The following SCN11A variants were observed in gnomAD, a reference collection of about 807,000 sequenced individuals.
SCN11A encodes sodium channel protein type 11 subunit alpha.
In SCN11A, 122 loss-of-function variants were observed where a neutral mutation model predicts 162.2. The observed-to-expected ratio is 0.75, with a 90% CI of 0.65 to 0.87. The LOEUF is 0.87. Among genes scored for constraint, SCN11A ranks in the 40% least tolerant of loss-of-function variants. The pLI is 0.00. For synonymous variants in SCN11A, 758 were observed against 751.5 expected (o/e 1.01, Z -0.14); for missense variants, 2,015 against 2,181.6 (o/e 0.92, Z 1.52).
intron 2 of SCN11A, among the ~76,000 whole-genome samples, chr3:39,022,349 C>A (rs1188156878): frequency 6.6e-6 from 1 of 152,196 alleles, no homozygotes; most frequent in South Asian, 2.1e-4. Context: ...GCTCCCTTTG[C>A]CCCTCCCTTG....
chr3:38,896,014 C>T (rs1385887951), intron 18 of SCN11A, among the ~76,000 whole-genome samples: 1 of 152,142 alleles, frequency 6.6e-6, no homozygotes, highest in Non-Finnish European at 1.5e-5. Flanking sequence ...AATTAGCCTC[C>T]TCATAAATAT....
chr3:38,919,862 G>T, intron 11 of SCN11A, 73 bp downstream of exon 11: 1 of 1,057,582 alleles, frequency 9.5e-7, no homozygotes, highest in Non-Finnish European at 1.5e-6. Context: ...AGTCATTAAA[G>T]ACTGTTTGCC....
At chr3:38,937,907 G>T (rs1276955447) in intron 7 of SCN11A, among the ~76,000 whole-genome samples, 1 of 152,110 alleles carries the variant, frequency 6.6e-6, no homozygotes, top group Admixed American at 6.6e-5. Flanking sequence ...TATAAATCAT[G>T]CTGCTATAAA....
intron 1 of SCN11A, among the ~76,000 whole-genome samples, chr3:39,048,969 A>G (rs970241774): frequency 7.2e-5 from 11 of 152,190 alleles, no homozygotes; most frequent in African/African-American, 2.7e-4. Context: ...TTCCAGCCCC[A>G]ATCTTTTAGC....
intron 28 of SCN11A, among the ~76,000 whole-genome samples, chr3:38,860,746 A>C (rs2064950040): frequency 6.6e-6 from 1 of 152,198 alleles, no homozygotes; most frequent in African/African-American, 2.4e-5. Flanking sequence ...AGCACAAGGT[A>C]GTAAAAGCCA....
chr3:39,043,477 T>C (rs1020630849), intron 1 of SCN11A, among the ~76,000 whole-genome samples: 106 of 117,084 alleles, frequency 9.1e-4, no homozygotes, highest in African/African-American at 4.2e-3. Context: ...TGAAGTACTA[T>C]ACAGCCAAAA....
intron 3 of SCN11A, among the ~76,000 whole-genome samples, chr3:38,955,719 T>A (rs1287332455): frequency 6.6e-6 from 1 of 152,206 alleles, no homozygotes; most frequent in Non-Finnish European, 1.5e-5. Context: ...GCTAACAAAT[T>A]TGAAGATAAA....
chr3:38,928,113 T>C (rs1360885312), intron 7 of SCN11A, among the ~76,000 whole-genome samples: 1 of 152,092 alleles, frequency 6.6e-6, no homozygotes, highest in Non-Finnish European at 1.5e-5. Context: ...TTGCAAAAAA[T>C]GAAGTTAGAA....
chr3:38,883,456 C>T lies in SCN11A; in HGVS notation c.3065-69G>A, dbSNP rs984993906. On this transcript the variant is annotated intron_variant, in intron 21 of 29. Coordinates refer to ENST00000302328, the MANE Select transcript of SCN11A (RefSeq NM_001349253.2). ...AACTGCATTAAAATGCAACTCTTCACCCCTTTCTGTGTTCATGCCCCTTGC... is the reference window on the plus strand; with the variant it reads ...AACTGCATTAAAATGCAACTCTTCATCCCTTTCTGTGTTCATGCCCCTTGC... The T allele has an allele frequency of 8.2e-6, 12 of 1,471,030 alleles. No individual in the cohort carries two copies. In the Admixed American group the frequency reaches 1.2e-4, roughly 14 times the overall value. The allele number at this position is 1,471,030 out of a possible 1,614,324, so 91.1% of individuals were successfully genotyped here.
intron 7 of SCN11A, among the ~76,000 whole-genome samples, chr3:38,941,965 G>A (rs1203541177): frequency 2.6e-5 from 4 of 152,062 alleles, no homozygotes; most frequent in Admixed American, 6.5e-5. Context: ...CAAGATATAC[G>A]CTACAAATAC....
intron 23 of SCN11A, among the ~76,000 whole-genome samples, chr3:38,878,817 C>T (rs1410562238): frequency 6.6e-6 from 1 of 152,096 alleles, no homozygotes; most frequent in Admixed American, 6.6e-5. Flanking sequence ...TGCTAACCAA[C>T]AACATTATGG....
Position 38,894,890 on chromosome 3 carries a change from C to T in SCN11A, c.2478G>A (p.Glu826=), listed in dbSNP as rs199882590. ...NEERNGNLEG[E]ARKTKVQLAL... ...CTAACTGGACTTTAGTTTTCCTGGC[C>T]TCTCCTTCTAAGTTTCCATTTCTTT... Residue 826 remains glutamate (E), a synonymous_variant, in exon 19 of 30, where the codon GAG becomes GAA. Transcript: ENST00000302328. 9.9e-6 allele frequency: 16 copies of T among 1,614,038 alleles called. No individual in the cohort carries two copies. The highest frequency in any genetic ancestry group is 1.3e-5 in the Non-Finnish European group (15 of 1,180,028).
At chr3:38,976,213 A>G (rs1177654116) in intron 2 of SCN11A, among the ~76,000 whole-genome samples, 1 of 152,188 alleles carries the variant, frequency 6.6e-6, no homozygotes, top group Non-Finnish European at 1.5e-5. Flanking sequence ...GACACAATTA[A>G]AATATAAGAA....
At chr3:38,954,794 G>C (rs2125580789) in intron 3 of SCN11A, among the ~76,000 whole-genome samples, 1 of 152,256 alleles carries the variant, frequency 6.6e-6, no homozygotes, top group African/African-American at 2.4e-5. Context: ...TTTGAGACCA[G>C]CCTGGCCAAC....
At chr3:38,862,268 G>T (rs1046966836) in intron 28 of SCN11A, among the ~76,000 whole-genome samples, 12 of 152,068 alleles carry the variant, frequency 7.9e-5, no homozygotes, top group African/African-American at 2.2e-4. Context: ...GGTGAAAAGG[G>T]AACACTTTTA....
intron 28 of SCN11A, among the ~76,000 whole-genome samples, chr3:38,859,293 GAAGA>G (rs1054140736): frequency 2.4e-4 from 36 of 151,956 alleles, no homozygotes; most frequent in African/African-American, 7.0e-4. Flanking sequence ...ACCAAGAAAA[GAAGA>G]GAGATCAAAA....
chr3:38,885,681 T>G (rs2065386317), intron 20 of SCN11A, among the ~76,000 whole-genome samples: 1 of 152,158 alleles, frequency 6.6e-6, no homozygotes. Context: ...CTACAGATCA[T>G]AACCCTGATA....
At chr3:39,024,719 T>C (rs2031541962) in intron 2 of SCN11A, among the ~76,000 whole-genome samples, 1 of 152,158 alleles carries the variant, frequency 6.6e-6, no homozygotes, top group Non-Finnish European at 1.5e-5. Context: ...TCAGAAAGGG[T>C]CCTGCCCCAT....
In SCN11A at chr3:38,889,521, C is replaced by T. The variant is rs539089241; in HGVS notation, c.2836-3283G>A. Among the ~76,000 whole-genome samples, 11 of 152,058 alleles carry T rather than the reference C, an allele frequency of 7.2e-5. No homozygotes were observed. The South Asian group carries it at 1.5e-3, about 20-fold the overall frequency. On this transcript the variant is annotated intron_variant, in intron 19 of 29. Transcript: ENST00000302328. ...GCATTTGAAATAAAGAAATGCTGGC[C>T]GGGCGCGGTGGCTCACGCCTGTAAT... is the stretch of plus-strand genomic sequence containing the variant.
Sources: allele counts gnomAD v4.1 joint callset (sites outside exome capture counted in the v4.1 genomes callset), GRCh38; gene constraint gnomAD v4.1.1; transcripts MANE v1.5; gene names NCBI Gene and HGNC (gene_info 2026-07-23, HGNC 2026-07-21).